Variants in PDS5A observed in about 807,000 individuals in gnomAD.
The protein encoded by PDS5A is sister chromatid cohesion protein PDS5 homolog A.
In PDS5A, 42 loss-of-function variants were observed where a neutral mutation model predicts 167.1. The observed-to-expected ratio is 0.25, with a 90% CI of 0.20 to 0.33. The LOEUF is 0.33. PDS5A is among the 10% of genes least tolerant of loss of function. The pLI, the probability that PDS5A is intolerant of heterozygous loss-of-function variation, is 1.00. For synonymous variants in PDS5A, 553 were observed against 554.6 expected, an observed-to-expected ratio of 1.00 and a Z score of 0.04; for missense variants, 1,033 against 1,605.9, an observed-to-expected ratio of 0.64 and a Z score of 6.10.
intron 26 of PDS5A, among the ~76,000 whole-genome samples, chr4:39,860,690 A>G (rs1376252925): frequency 6.6e-6 from 1 of 152,224 alleles, no homozygotes; most frequent in Non-Finnish European, 1.5e-5. Context: ...TTTCAGCAAA[A>G]TGAACAGAAC....
At chr4:39,899,282 A>AGAG (rs1722675110) in intron 14 of PDS5A, among the ~76,000 whole-genome samples, 1 of 152,132 alleles carries the variant, frequency 6.6e-6, no homozygotes, top group African/African-American at 2.4e-5. Context: ...CTTCAGGAAA[A>AGAG]CCTCCTTTCT....
At chr4:39,954,913 G>A (rs1329789332) in intron 2 of PDS5A, among the ~76,000 whole-genome samples, 1 of 151,982 alleles carries the variant, frequency 6.6e-6, no homozygotes, top group Non-Finnish European at 1.5e-5. Flanking sequence ...GGTAGCACAT[G>A]CCTGTAGTCT....
chr4:39,843,573 G>A (rs898571127), intron 30 of PDS5A, among the ~76,000 whole-genome samples: 1 of 152,040 alleles, frequency 6.6e-6, no homozygotes, highest in South Asian at 2.1e-4. Context: ...TTAGCTGGGA[G>A]TGGTGGCGTG....
chr4:39,848,902 A>C lies in PDS5A; in HGVS notation c.3288T>G (p.Asp1096Glu). ...TTGGGAGGACTGGGTCCTTTGGTGA[A>C]TCTGCATTGCACAAAGCACTTTTAC... ...INSKSALCNADSPKDPVLPMK... is the reference protein window; with the variant it reads ...INSKSALCNAESPKDPVLPMK... The change falls in exon 28 of 33, where the codon GAT becomes GAG. Residue 1096 changes from aspartate to glutamate, a missense_variant. Around this residue, in one of 4 missense-constraint regions of PDS5A, gnomAD observed 367 missense variants for 686.7 expected, o/e 0.53. Transcript: ENST00000303538. 3 of 1,606,596 alleles carry C rather than the reference A, an allele frequency of 1.9e-6. No homozygotes were observed. The highest frequency in any genetic ancestry group is 1.7e-6 in the Non-Finnish European group (2 of 1,174,986).
rs550434332 is a variant in PDS5A, at chr4:39,844,857, T to C, written c.3403-56A>G. ...ACACACACGTTTATACCTTACCATGTATACATGTAAATTTAGACACAAGTA... is the reference window on the plus strand; with the variant it reads ...ACACACACGTTTATACCTTACCATGCATACATGTAAATTTAGACACAAGTA... On this transcript the variant is annotated intron_variant, in intron 29 of 32. Transcript: ENST00000303538. 4.1e-5 allele frequency: 62 copies of C among 1,505,722 alleles called. No individual in the cohort carries two copies. In the African/African-American group the frequency reaches 8.3e-4, roughly 20 times the overall value. 93.3% of individuals were successfully genotyped at this position (1,505,722 alleles called of 1,614,324 possible).
At position 39,849,652 on chromosome 4, in the gene PDS5A, C is replaced by A; in HGVS notation, c.3087G>T (p.Glu1029Asp). Residue 1029 changes from glutamate (E) to aspartate (D), a missense_variant and splice_region_variant, in exon 27 of 33, where the codon GAG (glutamate) becomes GAT (aspartate). Physicochemically the swap from Glu to Asp is conservative, Grantham distance 45. Coordinates refer to ENST00000303538, the MANE Select transcript of PDS5A (RefSeq NM_001100399.2). ...AAACTTCAAGCATGAACCATAGGCA[C>A]CTAAATGTAAACATATTAAAGAGAC... The part of the protein sequence containing the change: ...QDVDQLRDIK[E>D]CLWFMLEVLM... The A allele has an allele frequency of 1.2e-6, 2 of 1,606,092 alleles. No homozygotes were observed. Among genetic ancestry groups the A allele is most frequent in the Non-Finnish European group, 1.7e-6 (2 of 1,173,522 alleles).
At chr4:39,909,632 A>T (rs1307131620) in intron 10 of PDS5A, among the ~76,000 whole-genome samples, 1 of 152,222 alleles carries the variant, frequency 6.6e-6, no homozygotes, top group South Asian at 2.1e-4. Context: ...TGTTCAAAAA[A>T]TTCTTAAATA....
At chr4:39,965,850 G>A (rs1729922850) in intron 2 of PDS5A, among the ~76,000 whole-genome samples, 2 of 152,256 alleles carry the variant, frequency 1.3e-5, no homozygotes, top group South Asian at 4.1e-4. Context: ...AAATTCTGGA[G>A]ATGAATGGTG....
At chr4:39,883,842 C>G (rs966035567) in intron 17 of PDS5A, among the ~76,000 whole-genome samples, 9 of 151,786 alleles carry the variant, frequency 5.9e-5, no homozygotes, top group African/African-American at 2.2e-4. Context: ...ACTGCCTAGG[C>G]TGGTTTCTAA....
intron 28 of PDS5A, 124 bp downstream of exon 28, chr4:39,848,727 T>C: frequency 1.2e-6 from 1 of 820,860 alleles, no homozygotes; most frequent in African/African-American, 1.7e-5. Flanking sequence ...TCCCACTCTT[T>C]GATAAACCCA....
intron 2 of PDS5A, among the ~76,000 whole-genome samples, chr4:39,929,518 ACT>A (rs1725772343): frequency 4.4e-5 from 1 of 22,766 alleles, no homozygotes; most frequent in Non-Finnish European, 7.0e-5. Context: ...TACTTAATAA[ACT>A]ATATATATAT....
At chr4:39,915,216 T>C (rs533652367) in intron 8 of PDS5A, among the ~76,000 whole-genome samples, 11 of 151,960 alleles carry the variant, frequency 7.2e-5, no homozygotes, top group African/African-American at 2.4e-4. Flanking sequence ...TTTTTTATTT[T>C]TCTATAGAGA....
intron 11 of PDS5A, 23 bp downstream of exon 11, chr4:39,908,372 G>C: frequency 1.3e-6 from 2 of 1,591,486 alleles, no homozygotes; most frequent in Non-Finnish European, 1.7e-6. Flanking sequence ...AATTACAGAA[G>C]AATAAAATGC....
At chr4:39,830,435 A>T (rs1460700990) in intron 32 of PDS5A, among the ~76,000 whole-genome samples, 1 of 151,962 alleles carries the variant, frequency 6.6e-6, no homozygotes, top group Non-Finnish European at 1.5e-5. Flanking sequence ...GTTAATTTTC[A>T]TTTTTTTGAG....
At chr4:39,930,072 G>A (rs1055334981) in intron 2 of PDS5A, among the ~76,000 whole-genome samples, 2 of 150,828 alleles carry the variant, frequency 1.3e-5, no homozygotes, top group Non-Finnish European at 3.0e-5. Flanking sequence ...AAAATTAGCC[G>A]GGCACAGTAG....
intron 21 of PDS5A, 108 bp from the exon 22 acceptor site, chr4:39,869,570 A>G: frequency 1.4e-6 from 1 of 711,546 alleles, no homozygotes. Flanking sequence ...AACCTACGGG[A>G]ACATCACCAA....
chr4:39,943,123 TACACACACACACAC>T (rs35361618), intron 2 of PDS5A, among the ~76,000 whole-genome samples: 1,769 of 144,894 alleles, frequency 0.012, 20 homozygotes, highest in African/African-American at 0.024. Flanking sequence ...ACTATGCAAA[TACACACACACACAC>T]ACACACACAC....
intron 16 of PDS5A, among the ~76,000 whole-genome samples, chr4:39,892,893 C>A (rs1722093960): frequency 6.6e-6 from 1 of 152,144 alleles, no homozygotes; most frequent in Admixed American, 6.5e-5. Context: ...ATAAAAATGA[C>A]CATTTATTGA....
At chr4:39,839,892 A>C (rs143603379) in intron 31 of PDS5A, among the ~76,000 whole-genome samples, 25 of 151,780 alleles carry the variant, frequency 1.6e-4, no homozygotes, top group East Asian at 7.8e-4. Flanking sequence ...TCAGGAGTTC[A>C]AGACCAGCCT....
Sources: allele counts gnomAD v4.1 joint callset (sites outside exome capture counted in the v4.1 genomes callset), GRCh38; gene constraint gnomAD v4.1.1; regional missense constraint gnomAD v4.1.1; transcripts MANE v1.5; gene names NCBI Gene and HGNC (gene_info 2026-07-23, HGNC 2026-07-21).